COPG2: variants seen among roughly 807,000 people sequenced by gnomAD.
COPG2 encodes coat protein complex I subunit gamma 2.
A neutral mutation model predicts 46.3 loss-of-function variants in COPG2; 37 were observed. The ratio of observed to expected loss-of-function variants is 0.80; its 90% CI spans 0.61 to 1.05. COPG2 has a LOEUF of 1.05. Ranked by LOEUF, COPG2 falls within the 50% of genes least tolerant of loss-of-function variation. The pLI, the probability that COPG2 is intolerant of heterozygous loss-of-function variation, is 0.00. For missense variants in COPG2, 427 were observed against 387.8 expected, an observed-to-expected ratio of 1.10 and a Z score of -0.85; for synonymous variants, 159 against 129.7, an observed-to-expected ratio of 1.23 and a Z score of -1.53.
intron 11 of COPG2, among the ~76,000 whole-genome samples, chr7:130,561,910 T>C (rs1793727836): frequency 1.3e-5 from 2 of 152,318 alleles, no homozygotes; most frequent in Admixed American, 6.5e-5. Context: ...AATATTAATG[T>C]TTTTTAATGG....
At chr7:130,629,118 G>A (rs1795175733) in intron 5 of COPG2, among the ~76,000 whole-genome samples, 1 of 152,024 alleles carries the variant, frequency 6.6e-6, no homozygotes, top group South Asian at 2.1e-4. Flanking sequence ...CTTCTAGCTT[G>A]CATGTTTTCT....
intron 5 of COPG2, among the ~76,000 whole-genome samples, chr7:130,622,914 C>T (rs782298402): frequency 2.0e-5 from 3 of 152,152 alleles, no homozygotes; most frequent in Non-Finnish European, 4.4e-5. Flanking sequence ...CTTTCTGCCA[C>T]CATTATACAG....
At chr7:130,662,111 G>A (rs1406637009) in intron 4 of COPG2, among the ~76,000 whole-genome samples, 1 of 152,210 alleles carries the variant, frequency 6.6e-6, no homozygotes, top group Admixed American at 6.5e-5. Flanking sequence ...TCTTCTGCTA[G>A]TAGAAGCATC....
At chr7:130,542,902 G>C (rs1207785312) in intron 20 of COPG2, among the ~76,000 whole-genome samples, 1 of 152,160 alleles carries the variant, frequency 6.6e-6, no homozygotes, top group African/African-American at 2.4e-5. Flanking sequence ...AAATCTCAGG[G>C]GCAAGTCAGT....
chr7:130,617,956 A>G (rs1440785596), intron 5 of COPG2, among the ~76,000 whole-genome samples: 3 of 151,194 alleles, frequency 2.0e-5, no homozygotes, highest in Non-Finnish European at 4.4e-5. Context: ...CAAAAATTAG[A>G]CTGGTGTTGT....
intron 12 of COPG2, among the ~76,000 whole-genome samples, chr7:130,557,640 C>T (rs1793648753): frequency 6.6e-6 from 1 of 151,232 alleles, no homozygotes; most frequent in African/African-American, 2.4e-5. Context: ...AACCTCGTCT[C>T]CACTAAAGAT....
intron 20 of COPG2, 131 bp downstream of exon 20, chr7:130,547,539 AACAC>A (rs1392022609): frequency 5.1e-6 from 2 of 395,076 alleles, no homozygotes; most frequent in Non-Finnish European, 8.9e-6. Context: ...CACACACACA[AACAC>A]ACACACACAA....
Position 130,613,559 on chromosome 7 carries a change from T to A in COPG2, c.477A>T (p.Ala159=). 6.3e-7 allele frequency: 1 copy of A among 1,593,430 alleles called. No homozygotes were observed. The highest frequency in any genetic ancestry group is 8.6e-7 in the Non-Finnish European group (1 of 1,167,166). The stretch of plus-strand genomic sequence containing the variant: ...GTTCACTTACCAGGGAAGATACCAG[T>A]GCTGAACTGGATACACTGGAAACTT... ...VDKVSSVSSS[A]LVSSLHMMKI... Residue 159 remains alanine, a synonymous_variant, in exon 7 of 24, where the codon GCA becomes GCT. Coordinates refer to ENST00000425248, the MANE Select transcript of COPG2 (RefSeq NM_012133.6).
intron 5 of COPG2, among the ~76,000 whole-genome samples, chr7:130,631,608 G>A (rs1795233358): frequency 6.6e-6 from 1 of 152,100 alleles, no homozygotes; most frequent in South Asian, 2.1e-4. Context: ...TAACCTATTA[G>A]ATTTTCTTCA....
chr7:130,626,812 G>C (rs1041681193), intron 5 of COPG2, among the ~76,000 whole-genome samples: 1 of 151,994 alleles, frequency 6.6e-6, no homozygotes, highest in African/African-American at 2.4e-5. Context: ...TGTATGTTTG[G>C]AACACTGTCC....
At chr7:130,548,187 A>T (rs972954144) in intron 19 of COPG2, among the ~76,000 whole-genome samples, 1 of 152,238 alleles carries the variant, frequency 6.6e-6, no homozygotes, top group African/African-American at 2.4e-5. Flanking sequence ...GTCCAACTTC[A>T]TCACACATTT....
At chr7:130,514,271 G>A (rs1799656942) in intron 20 of COPG2, among the ~76,000 whole-genome samples, 1 of 152,222 alleles carries the variant, frequency 6.6e-6, no homozygotes, top group African/African-American at 2.4e-5. Flanking sequence ...TCTTTGAGTA[G>A]TTTGTAGAAT....
Position 130,590,404 on chromosome 7 carries a change from C to T in COPG2, c.737+20549G>A, listed in dbSNP as rs533509893. Among the ~76,000 whole-genome samples, 342 of 152,332 alleles carry T rather than the reference C, an allele frequency of 2.2e-3. 2 individuals carry two copies. The highest frequency in any genetic ancestry group is 6.8e-3 in the Middle Eastern group (2 of 294). On this transcript the variant is annotated intron_variant, in intron 9 of 23. Coordinates refer to ENST00000425248, the MANE Select transcript of COPG2 (RefSeq NM_012133.6). ...CCGAGTGCCTGCGACTGCAGGTGCG[C>T]GCCGCCACGCCTGACTGGTTTTCGT...
In COPG2 at chr7:130,506,704, A is replaced by G; in HGVS notation, c.2588T>C (p.Val863Ala). The G allele has an allele frequency of 1.3e-6, 1 of 780,414 alleles. No individual in the cohort carries two copies. The highest frequency in any genetic ancestry group is 2.4e-6 in the Non-Finnish European group (1 of 417,654). 48.3% of individuals were successfully genotyped at this position (780,414 alleles called of 1,614,324 possible). A position where few individuals can be genotyped will look rare whatever the true frequency, so the allele number is the denominator to read the frequency against. The change falls in exon 24 of 24, where the codon GTA becomes GCA. Residue 863 changes from valine to alanine, a missense_variant. Val to Ala is a moderately conservative substitution (Grantham distance 64). Coordinates refer to ENST00000425248, the MANE Select transcript of COPG2 (RefSeq NM_012133.6). ...TCCAACAGAAGCTAAGATAACATCT[A>G]CAGGTGTTCTCTCTTTACTTCTGAC... Reference protein sequence around the residue: ...VTVRSKERTPVDVILASVG With the variant: ...VTVRSKERTPADVILASVG
rs141383871 is a variant in COPG2 at position 130,599,797 on chromosome 7, C to T, written c.737+11156G>A. 6.3e-3 allele frequency among the ~76,000 whole-genome samples: 965 copies of T among 152,184 alleles called. 7 individuals carry two copies. Among genetic ancestry groups the T allele is most frequent in the African/African-American group, 0.022 (913 of 41,514 alleles). On this transcript the variant is annotated intron_variant, in intron 9 of 23. Transcript: ENST00000425248. Reference sequence around the variant, plus strand: ...TGCTCTGGGGGTAAATAATCATGATCAAGGAGGATATATAAAGCATTTCTG... The same window carrying T: ...TGCTCTGGGGGTAAATAATCATGATTAAGGAGGATATATAAAGCATTTCTG...
chr7:130,547,734 A>G lies in COPG2; in HGVS notation c.2089T>C (p.Tyr697His), dbSNP rs894901501. 5.0e-6 allele frequency: 2 copies of G among 398,554 alleles called. No individual in the cohort carries two copies. Among genetic ancestry groups the G allele is most frequent in the Non-Finnish European group, 8.8e-6 (2 of 226,136 alleles). The allele number at this position is 398,554 out of a possible 1,614,324, so 24.7% of individuals were successfully genotyped here. A position where few individuals can be genotyped will look rare whatever the true frequency, so the allele number is the denominator to read the frequency against. Residue 697 changes from tyrosine (Y) to histidine (H), a missense_variant, in exon 20 of 24, where the codon TAT becomes CAT. Physicochemically the swap from Tyr to His is moderately conservative, Grantham distance 83 (BLOSUM62 2). Transcript: ENST00000425248. ...GTGTAACATATTCCTGGTTGGTTATAAGGAAGGCTGGGGGCTGGGATACAA... is the reference window on the plus strand; with the variant it reads ...GTGTAACATATTCCTGGTTGGTTATGAGGAAGGCTGGGGGCTGGGATACAA... ...LSCIPAPSLP[Y>H]NQPGICYTLV...
Position 130,666,893 on chromosome 7 carries a change from T to C in COPG2, c.127A>G (p.Arg43Gly). The part of the protein sequence containing the change: ...IFNETPINPR[R>G]CLHILTKILY... ...ATCTTTGTAAGAATATGCAAACATCTTCTTGGATTGATTGGAGTTTCATTG... is the reference window on the plus strand; with the variant it reads ...ATCTTTGTAAGAATATGCAAACATCCTCTTGGATTGATTGGAGTTTCATTG... Residue 43 changes from arginine to glycine, a missense_variant, in exon 3 of 24, where the codon AGA (arginine) becomes GGA (glycine). Physicochemically the swap from Arg to Gly is moderately radical, Grantham distance 125. Transcript: ENST00000425248. 1 of 1,568,908 alleles carries C rather than the reference T, an allele frequency of 6.4e-7. No individual in the cohort carries two copies.
chr7:130,665,973 G>A (rs892414351), intron 3 of COPG2, among the ~76,000 whole-genome samples: 42 of 152,162 alleles, frequency 2.8e-4, no homozygotes, highest in African/African-American at 9.9e-4. Context: ...GCACACAGCA[G>A]CTACGCAATA....
chr7:130,513,424 TG>T (rs1302285362), intron 20 of COPG2, among the ~76,000 whole-genome samples: 1 of 140,060 alleles, frequency 7.1e-6, no homozygotes, highest in Non-Finnish European at 1.5e-5. Flanking sequence ...TATATATGTA[TG>T]GGTAGGGAAG....
Sources: allele counts gnomAD v4.1 joint callset (sites outside exome capture counted in the v4.1 genomes callset), GRCh38; gene constraint gnomAD v4.1.1; transcripts MANE v1.5; gene names NCBI Gene and HGNC (gene_info 2026-07-23, HGNC 2026-07-21).